PSG8: variants seen among roughly 807,000 people sequenced by gnomAD.
PSG8 encodes the protein pregnancy specific beta-1-glycoprotein 8, also known as pregnancy-specific beta-1-glycoprotein 8.
In PSG8, 57 loss-of-function variants were observed where a neutral mutation model predicts 42.5. The ratio of observed to expected loss-of-function variants is 1.34; its 90% confidence interval spans 1.08 to 1.67. PSG8 has a LOEUF of 1.67. PSG8 is among the 40% of genes most tolerant of loss of function. The probability of loss-of-function intolerance (pLI) is 0.00; values close to 1 mark genes in which losing one functional copy is unlikely to be tolerated. For missense variants in PSG8, 783 were observed against 518.6 expected (o/e 1.51, Z -4.95); for synonymous variants, 280 against 196.8 (o/e 1.42, Z -3.54).
At position 42,755,106 on chromosome 19, in the gene PSG8, A is replaced by T; in HGVS notation, c.870T>A (p.Ile290=). The change falls in exon 4 of 5, where the codon ATT becomes ATA. Residue 290 remains isoleucine, a synonymous_variant. Coordinates refer to ENST00000306511, the MANE Select transcript of PSG8 (RefSeq NM_182707.3). ...TGGGTAGAATGAGGATCCTGTTTTC[A>T]ATGGGTCGCTTTACCCTGGGACTGA... ...LPVSPRVKRP[I]ENRILILPSV... is the part of the protein sequence containing the mutation. 2 of 1,611,998 alleles carry T rather than the reference A, an allele frequency of 1.2e-6. No individual in the cohort carries two copies. The highest frequency in any genetic ancestry group is 2.2e-5 in the South Asian group (2 of 90,982).
At chr19:42,760,930 C>G (rs2122266144) in intron 2 of PSG8, among the ~76,000 whole-genome samples, 1 of 152,266 alleles carries the variant, frequency 6.6e-6, no homozygotes, top group South Asian at 2.1e-4. Flanking sequence ...CAGCTTTTTA[C>G]TTAGTGTTAG....
At chr19:42,763,598 C>T (rs113529590) in intron 2 of PSG8, 9 of 447,744 alleles carry the variant, frequency 2.0e-5, no homozygotes, top group South Asian at 6.3e-5. Context: ...CTACTCAGTT[C>T]TCCAGGGTCT....
chr19:42,759,613 A>G (rs1260864599), intron 2 of PSG8, among the ~76,000 whole-genome samples: 1 of 152,096 alleles, frequency 6.6e-6, no homozygotes. Context: ...TGAGTTTTGG[A>G]GCATTTCAGA....
Position 42,755,028 on chromosome 19 carries a change from A to G in PSG8, c.948T>C (p.Tyr316=), listed in dbSNP as rs745861236. Residue 316 remains tyrosine (Y), a synonymous_variant, in exon 4 of 5, where the codon TAT becomes TAC. Coordinates refer to ENST00000306511, the MANE Select transcript of PSG8 (RefSeq NM_182707.3). ...GPYQCEIRDQ[Y]GGIRSYPVTL... The stretch of plus-strand genomic sequence containing the variant: ...TGACTGGGTAACTGCGGATGCCACC[A>G]TATTGGTCCCTTATTTCACATTGAT... The G allele has an allele frequency of 1.9e-5, 31 of 1,613,032 alleles. 1 individual carries two copies. Among genetic ancestry groups the G allele is most frequent in the Non-Finnish European group, 2.5e-5 (30 of 1,179,712 alleles).
Position 42,761,139 on chromosome 19 carries a change from G to A in PSG8, c.430+2777C>T, listed in dbSNP as rs550015905. 1.0e-3 allele frequency among the ~76,000 whole-genome samples: 154 copies of A among 152,248 alleles called. 1 individual carries two copies. The highest frequency in any genetic ancestry group is 3.6e-3 in the African/African-American group (150 of 41,562). On this transcript the variant is annotated intron_variant, in intron 2 of 4. Transcript: ENST00000306511. Reference sequence around the variant, plus strand: ...CGTGCAAAGATTACAACAGTGACAGGAAACTAGCATGCCTGACTCCATCTG... The same window carrying A: ...CGTGCAAAGATTACAACAGTGACAGAAAACTAGCATGCCTGACTCCATCTG...
chr19:42,757,782 T>G (rs111988908), intron 3 of PSG8, among the ~76,000 whole-genome samples: 4,900 of 152,216 alleles, frequency 0.032, 250 homozygotes, highest in African/African-American at 0.11. Context: ...TCACAAGCTG[T>G]GGACGCTGAG....
Position 42,757,995 on chromosome 19 carries a change from TACTC to T in PSG8, c.709+3_709+6del, listed in dbSNP as rs752714816. ...GCCTGGCTCACAGAGGAACAGAAAA[TACTC>T]ACGGAGGAGATTCAGGGTGAATGGG... On this transcript the variant is annotated splice_donor_5th_base_variant and intron_variant, in intron 3 of 4. Transcript: ENST00000306511. 2.0e-5 allele frequency: 32 copies of T among 1,613,772 alleles called. 1 individual carries two copies. In the South Asian group the frequency reaches 3.0e-4, roughly 15 times the overall value.
Position 42,764,187 on chromosome 19 carries a change from T to C in PSG8, c.159A>G (p.Leu53=), listed in dbSNP as rs1164169002. 6.2e-7 allele frequency: 1 copy of C among 1,613,752 alleles called. No homozygotes were observed. The highest frequency in any genetic ancestry group is 1.3e-5 in the African/African-American group (1 of 74,884). Residue 53 remains leucine, a synonymous_variant, in exon 2 of 5, where the codon CTA becomes CTG. Transcript: ENST00000306511. The stretch of plus-strand genomic sequence containing the variant: ...GATTCTGGGGCAAATTGTGGACAAG[T>C]AGAAGAACATCCTTCCCCTCAGAAA... The part of the protein sequence containing the change: ...TKVSEGKDVL[L]LVHNLPQNLT...
intron 1 of PSG8, among the ~76,000 whole-genome samples, chr19:42,765,076 G>A (rs1203456442): frequency 1.3e-5 from 2 of 151,682 alleles, no homozygotes; most frequent in African/African-American, 2.4e-5. Flanking sequence ...TGACTTTCCT[G>A]TTTTGACCCC....
At chr19:42,765,450 C>T in intron 1 of PSG8, 68 bp downstream of exon 1, 2 of 1,597,100 alleles carry the variant, frequency 1.3e-6, no homozygotes, top group Non-Finnish European at 1.7e-6. Context: ...ACCCCATACT[C>T]TCAAGGAGAC....
rs1200470633 is a variant in PSG8, at chr19:42,764,078, T to A, written c.268A>T (p.Ile90Leu). 1.9e-6 allele frequency: 3 copies of A among 1,613,662 alleles called. No homozygotes were observed. Among genetic ancestry groups the A allele is most frequent in the Non-Finnish European group, 2.5e-6 (3 of 1,179,882 alleles). ...TSYVVDGQII[I>L]YGPAYSGRET... ...CGTCCACTGTATGCAGGCCCATATATAATTATTTGACCGTCTACTACATAT... is the reference window on the plus strand; with the variant it reads ...CGTCCACTGTATGCAGGCCCATATAAAATTATTTGACCGTCTACTACATAT... Residue 90 changes from isoleucine (I) to leucine (L), a missense_variant, in exon 2 of 5, where the codon ATA becomes TTA. By Grantham distance (5) the Ile-to-Leu change is conservative. Transcript: ENST00000306511.
At chr19:42,759,213 C>G (rs1221149047) in intron 2 of PSG8, among the ~76,000 whole-genome samples, 4 of 152,114 alleles carry the variant, frequency 2.6e-5, no homozygotes, top group Non-Finnish European at 5.9e-5. Context: ...GATACTTTCT[C>G]TCATTAGACA....
At chr19:42,764,863 C>G (rs751518538) in intron 1 of PSG8, among the ~76,000 whole-genome samples, 1 of 152,106 alleles carries the variant, frequency 6.6e-6, no homozygotes, top group African/African-American at 2.4e-5. Context: ...TCTCAGGGCC[C>G]TCCACGCCCT....
chr19:42,763,499 G>C (rs1304315488), intron 2 of PSG8, among the ~76,000 whole-genome samples: 1 of 152,166 alleles, frequency 6.6e-6, no homozygotes, highest in Non-Finnish European at 1.5e-5. Flanking sequence ...GATTTATCTG[G>C]AGCAAGGATT....
Position 42,763,797 on chromosome 19 carries a change from C to G in PSG8, c.430+119G>C, listed in dbSNP as rs1311751837. On this transcript the variant is annotated intron_variant, in intron 2 of 4. Transcript: ENST00000306511. The stretch of plus-strand genomic sequence containing the variant: ...TGTCCTGCACTAAATGCCCAAACCC[C>G]AGCATGGGACATAATGCAGAGAGGG... 3 of 1,568,008 alleles carry G rather than the reference C, an allele frequency of 1.9e-6. No homozygotes were observed. The East Asian group carries it at 6.7e-5, about 35-fold the overall frequency.
At chr19:42,764,344 C>A in intron 1 of PSG8, 63 bp from the exon 2 acceptor site, 2 of 1,557,922 alleles carry the variant, frequency 1.3e-6, no homozygotes, top group South Asian at 2.5e-5. Context: ...AAACATGGGG[C>A]CCTGGGTCCT....
intron 2 of PSG8, 118 bp from the exon 3 acceptor site, chr19:42,758,398 A>T: frequency 6.6e-7 from 1 of 1,524,522 alleles, no homozygotes; most frequent in Non-Finnish European, 8.8e-7. Flanking sequence ...TTAAAAGCCC[A>T]TGGCAGGTGT....
rs1226712137 is a variant in PSG8, at chr19:42,763,936, T to G, written c.410A>C (p.His137Pro). ...CTCACGATATAAGGTGAAGGTGAAA[T>G]GTCCAGTTACTCCTCTATTCTCATC... ...GGDENRGVTG[H>P]FTFTLYLETP... Residue 137 changes from histidine to proline, a missense_variant, in exon 2 of 5, where the codon CAT (histidine) becomes CCT (proline). Transcript: ENST00000306511. 2.5e-6 allele frequency: 4 copies of G among 1,613,694 alleles called. No homozygotes were observed. The highest frequency in any genetic ancestry group is 3.4e-6 in the Non-Finnish European group (4 of 1,179,780).
intron 3 of PSG8, among the ~76,000 whole-genome samples, chr19:42,757,016 C>T (rs1375306814): frequency 1.3e-4 from 19 of 151,798 alleles, no homozygotes; most frequent in African/African-American, 4.4e-4. Flanking sequence ...CTTGTTTCAG[C>T]AATCTTTTGT....
Sources: allele counts gnomAD v4.1 joint callset (sites outside exome capture counted in the v4.1 genomes callset), GRCh38; gene constraint gnomAD v4.1.1; transcripts MANE v1.5; gene names NCBI Gene and HGNC (gene_info 2026-07-23, HGNC 2026-07-21).